MIS18BP1: variants seen among roughly 807,000 people sequenced by gnomAD.
The protein encoded by MIS18BP1 is mis18-binding protein 1.
In MIS18BP1, 72 loss-of-function variants were observed where a neutral mutation model predicts 116.1. The ratio of observed to expected loss-of-function variants is 0.62; its 90% CI spans 0.51 to 0.75. The LOEUF is 0.75. Ranked by LOEUF, MIS18BP1 falls within the 30% of genes least tolerant of loss-of-function variation. MIS18BP1 has a pLI of 0.00. For synonymous variants in MIS18BP1, 386 were observed against 427.0 expected, an observed-to-expected ratio of 0.90 and a Z score of 1.18; for missense variants, 1,363 against 1,303.2, an observed-to-expected ratio of 1.05 and a Z score of -0.71.
At chr14:45,241,299 G>C (rs902306180) in intron 4 of MIS18BP1, among the ~76,000 whole-genome samples, 2 of 152,090 alleles carry the variant, frequency 1.3e-5, no homozygotes, top group Admixed American at 1.3e-4. Flanking sequence ...GTAAAACCCC[G>C]TCTCTACTAA....
intron 13 of MIS18BP1, among the ~76,000 whole-genome samples, chr14:45,215,773 C>A (rs1403661482): frequency 6.7e-6 from 1 of 149,022 alleles, no homozygotes; most frequent in Non-Finnish European, 1.5e-5. Context: ...GGCACCATCT[C>A]AGCTCACTGC....
chr14:45,238,344 T>C (rs1391194302), intron 4 of MIS18BP1, among the ~76,000 whole-genome samples: 2 of 152,160 alleles, frequency 1.3e-5, no homozygotes, highest in African/African-American at 2.4e-5. Flanking sequence ...AAATTTAAGA[T>C]TGAACTACTT....
At chr14:45,231,411 C>T (rs970920584) in intron 7 of MIS18BP1, 113 bp from the exon 8 acceptor site, 1 of 903,564 alleles carries the variant, frequency 1.1e-6, no homozygotes, top group Non-Finnish European at 1.6e-6. Context: ...TCCACCCAGG[C>T]AGGGTATCTT....
rs1890452184 is a variant in MIS18BP1 at position 45,204,352 on chromosome 14, A to G, written c.3295+47T>C. 10 of 1,568,226 alleles carry G rather than the reference A, an allele frequency of 6.4e-6. 1 individual carries two copies. In the South Asian group the frequency reaches 1.1e-4, roughly 16 times the overall value. ...TTAATACCATTTAAATAAAGAACCTACCTTATAATAGAACTGAGCCACAAA... is the reference window on the plus strand; with the variant it reads ...TTAATACCATTTAAATAAAGAACCTGCCTTATAATAGAACTGAGCCACAAA... On this transcript the variant is annotated intron_variant, in intron 16 of 16. Coordinates refer to ENST00000310806, the MANE Select transcript of MIS18BP1 (RefSeq NM_018353.5).
intron 7 of MIS18BP1, chr14:45,231,533 T>A (rs1891278506): frequency 2.8e-6 from 1 of 357,092 alleles, no homozygotes; most frequent in Non-Finnish European, 5.0e-6. Context: ...TGCTTCCTAC[T>A]ATATGCTCTT....
intron 14 of MIS18BP1, among the ~76,000 whole-genome samples, chr14:45,207,973 C>T (rs915842155): frequency 6.6e-6 from 1 of 152,060 alleles, no homozygotes; most frequent in African/African-American, 2.4e-5. Context: ...AAACAAAAAC[C>T]CACAACCCAC....
chr14:45,224,764 A>G lies in MIS18BP1; in HGVS notation c.1841-18T>C, dbSNP rs946323501. The G allele has an allele frequency of 5.0e-5, 76 of 1,512,720 alleles. No individual in the cohort carries two copies. Among genetic ancestry groups the G allele is most frequent in the Non-Finnish European group, 5.9e-5 (67 of 1,126,850 alleles). The allele number at this position is 1,512,720 out of a possible 1,614,324, so 93.7% of individuals were successfully genotyped here. ...AGTTGTCTCTTTAATTTCATAAGAC[A>G]AAACCAAAGACCAAAATCTCAAATT... On this transcript the variant is annotated intron_variant, in intron 10 of 16. Transcript: ENST00000310806.
At chr14:45,246,075 C>A (rs1185666711) in intron 2 of MIS18BP1, among the ~76,000 whole-genome samples, 1 of 152,202 alleles carries the variant, frequency 6.6e-6, no homozygotes, top group Non-Finnish European at 1.5e-5. Context: ...TATTTCAGAA[C>A]AGCCAGAGTG....
intron 13 of MIS18BP1, among the ~76,000 whole-genome samples, chr14:45,213,835 T>TA (rs1890740788): frequency 6.6e-6 from 1 of 152,260 alleles, no homozygotes; most frequent in Admixed American, 6.5e-5. Flanking sequence ...GAGATGCTGT[T>TA]AATCTGTAAC....
At chr14:45,216,278 C>A (rs1038649583) in intron 13 of MIS18BP1, among the ~76,000 whole-genome samples, 9 of 152,134 alleles carry the variant, frequency 5.9e-5, no homozygotes, top group Non-Finnish European at 1.2e-4. Context: ...CTAAAAGGTA[C>A]AATTCAATTT....
At position 45,221,431 on chromosome 14, in the gene MIS18BP1, C is replaced by T. The variant is rs568370879; in HGVS notation, c.2669+2487G>A. Among the ~76,000 whole-genome samples the T allele has an allele frequency of 3.0e-4, 45 of 152,020 alleles. 1 individual carries two copies. In the South Asian group the frequency reaches 9.1e-3, roughly 31 times the overall value. On this transcript the variant is annotated intron_variant, in intron 11 of 16. Transcript: ENST00000310806. Reference sequence around the variant, plus strand: ...CAGCCTGGGCGACAGAGCAAGACTCCGTCTCAAAAATAAATAAATAAAATA... The same window carrying T: ...CAGCCTGGGCGACAGAGCAAGACTCTGTCTCAAAAATAAATAAATAAAATA...
In MIS18BP1 at chr14:45,204,458, A is replaced by T. The variant is rs1890456698; in HGVS notation, c.3241-5T>A. On this transcript the variant is annotated splice_polypyrimidine_tract_variant and splice_region_variant and intron_variant, in intron 15 of 16. Transcript: ENST00000310806. The stretch of plus-strand genomic sequence containing the variant: ...AGTTGAGAAATCAGTTTCAACCTAT[A>T]AAAGAGTTACTATTAATAGCTAAAT... The T allele has an allele frequency of 6.3e-7, 1 of 1,589,654 alleles. No homozygotes were observed. The highest frequency in any genetic ancestry group is 2.3e-5 in the East Asian group (1 of 44,226).
intron 11 of MIS18BP1, among the ~76,000 whole-genome samples, chr14:45,222,872 T>C (rs1443319132): frequency 6.6e-6 from 1 of 152,162 alleles, no homozygotes; most frequent in Non-Finnish European, 1.5e-5. Context: ...AACTGAATTT[T>C]TGTCCAGTAC....
At chr14:45,249,346 A>G (rs1171861042) in intron 1 of MIS18BP1, among the ~76,000 whole-genome samples, 1 of 151,982 alleles carries the variant, frequency 6.6e-6, no homozygotes, top group East Asian at 2.0e-4. Flanking sequence ...TCAGCCTCCC[A>G]AAGTGCTGGG....
intron 12 of MIS18BP1, among the ~76,000 whole-genome samples, chr14:45,217,607 T>G (rs914747930): frequency 6.7e-6 from 1 of 149,190 alleles, no homozygotes; most frequent in Non-Finnish European, 1.5e-5. Flanking sequence ...GATCTTCTCT[T>G]TTTTTTTTTG....
chr14:45,204,183 G>C lies in MIS18BP1; in HGVS notation c.3325C>G (p.Leu1109Val). 6.2e-7 allele frequency: 1 copy of C among 1,610,668 alleles called. No individual in the cohort carries two copies. Among genetic ancestry groups the C allele is most frequent in the Non-Finnish European group, 8.5e-7 (1 of 1,178,780 alleles). ...DLGENSGIGKLFTNAVESLDE... is the reference protein window; with the variant it reads ...DLGENSGIGKVFTNAVESLDE... ...AAAGATTCCACAGCATTAGTGAAAA[G>C]TTTTCCAATACCAGAGTTTTCTCCT... is the stretch of plus-strand genomic sequence containing the variant. Residue 1109 changes from leucine to valine, a missense_variant, in exon 17 of 17, where the codon CTT (leucine) becomes GTT (valine). Transcript: ENST00000310806.
At chr14:45,233,504 T>C (rs1444939172) in intron 6 of MIS18BP1, among the ~76,000 whole-genome samples, 1 of 152,146 alleles carries the variant, frequency 6.6e-6, no homozygotes, top group Non-Finnish European at 1.5e-5. Context: ...CAAACTGCTA[T>C]TTTGAGAAGA....
chr14:45,226,135 T>G (rs1376513952), intron 10 of MIS18BP1, among the ~76,000 whole-genome samples: 1 of 152,198 alleles, frequency 6.6e-6, no homozygotes, highest in Non-Finnish European at 1.5e-5. Flanking sequence ...TTTGTTAATT[T>G]TAATAAATTA....
At chr14:45,226,303 G>C (rs1263771440) in intron 10 of MIS18BP1, among the ~76,000 whole-genome samples, 1 of 152,192 alleles carries the variant, frequency 6.6e-6, no homozygotes, top group Admixed American at 6.5e-5. Flanking sequence ...ATGCTATAAA[G>C]CTAATGGATT....
Sources: allele counts gnomAD v4.1 joint callset (sites outside exome capture counted in the v4.1 genomes callset), GRCh38; gene constraint gnomAD v4.1.1; transcripts MANE v1.5; gene names NCBI Gene and HGNC (gene_info 2026-07-23, HGNC 2026-07-21).